Variants in CTDSPL observed in about 807,000 individuals in gnomAD.
The protein encoded by CTDSPL is CTD small phosphatase-like protein.
Under a neutral mutation model 30.5 loss-of-function variants are expected in CTDSPL, and 8 were observed. The ratio of observed to expected loss-of-function variants is 0.26; its 90% confidence interval spans 0.15 to 0.47. CTDSPL has a LOEUF of 0.47. Ranked by LOEUF, CTDSPL falls within the 20% of genes least tolerant of loss-of-function variation. The pLI is 0.99. For missense variants in CTDSPL, 248 were observed against 366.1 expected (o/e 0.68, Z 2.63); for synonymous variants, 110 against 137.9 (o/e 0.80, Z 1.42).
intron 1 of CTDSPL, among the ~76,000 whole-genome samples, chr3:37,872,814 C>G (rs1485877336): frequency 1.3e-5 from 2 of 152,064 alleles, no homozygotes; most frequent in Non-Finnish European, 2.9e-5. Flanking sequence ...ACCTCCTGAT[C>G]TGCCCGCCCT....
At chr3:37,867,276 T>G (rs1461682749) in intron 1 of CTDSPL, among the ~76,000 whole-genome samples, 1 of 152,254 alleles carries the variant, frequency 6.6e-6, no homozygotes, top group East Asian at 1.9e-4. Flanking sequence ...ATCCAGGTTG[T>G]TCCTTGTATT....
At chr3:37,918,476 T>C (rs1698674922) in intron 1 of CTDSPL, among the ~76,000 whole-genome samples, 1 of 152,180 alleles carries the variant, frequency 6.6e-6, no homozygotes, top group Non-Finnish European at 1.5e-5. Flanking sequence ...TGGAGCTCTC[T>C]AGCCTATAAA....
At chr3:37,963,476 A>G (rs948169404) in intron 3 of CTDSPL, among the ~76,000 whole-genome samples, 1 of 152,208 alleles carries the variant, frequency 6.6e-6, no homozygotes, top group African/African-American at 2.4e-5. Context: ...TATTTGATGA[A>G]CTAAATTGTC....
intron 3 of CTDSPL, among the ~76,000 whole-genome samples, chr3:37,963,847 A>G (rs1437597149): frequency 6.6e-6 from 1 of 152,110 alleles, no homozygotes; most frequent in Non-Finnish European, 1.5e-5. Context: ...TAACTTTCAG[A>G]GGCAGAGAAT....
chr3:37,928,124 T>G (rs1433222712), intron 1 of CTDSPL, among the ~76,000 whole-genome samples: 1 of 152,250 alleles, frequency 6.6e-6, no homozygotes, highest in Non-Finnish European at 1.5e-5. Flanking sequence ...GGACCACTTT[T>G]TCTTTATCCA....
chr3:37,894,770 T>G (rs941341051), intron 1 of CTDSPL, among the ~76,000 whole-genome samples: 6 of 152,188 alleles, frequency 3.9e-5, no homozygotes, highest in African/African-American at 1.4e-4. Flanking sequence ...CTTTCTGTTC[T>G]TCAGATTGGA....
intron 1 of CTDSPL, among the ~76,000 whole-genome samples, chr3:37,870,531 T>C (rs964775720): frequency 1.3e-5 from 2 of 152,260 alleles, no homozygotes; most frequent in Middle Eastern, 3.4e-3. Context: ...TGCATTGATT[T>C]TTAAAATTGC....
chr3:37,927,394 C>T (rs1313725870), intron 1 of CTDSPL, among the ~76,000 whole-genome samples: 1 of 151,984 alleles, frequency 6.6e-6, no homozygotes. Context: ...TGGGTCCTAT[C>T]CCCCAGATAA....
At chr3:37,925,968 G>A (rs1368974632) in intron 1 of CTDSPL, among the ~76,000 whole-genome samples, 1 of 152,046 alleles carries the variant, frequency 6.6e-6, no homozygotes, top group Admixed American at 6.6e-5. Context: ...TCTTCCCGCT[G>A]GAATCTAAGC....
At chr3:37,916,305 T>C in intron 1 of CTDSPL, among the ~76,000 whole-genome samples, 1 of 152,224 alleles carries the variant, frequency 6.6e-6, no homozygotes, top group Non-Finnish European at 1.5e-5. Flanking sequence ...GAGCTAACAT[T>C]ATTTCAGGTG....
intron 1 of CTDSPL, among the ~76,000 whole-genome samples, chr3:37,927,705 TA>T (rs1553684237): frequency 1.8e-4 from 26 of 146,896 alleles, no homozygotes; most frequent in African/African-American, 6.2e-4. Context: ...TATATATATA[TA>T]AAAAATGAAA....
chr3:37,909,842 C>T (rs779872549), intron 1 of CTDSPL, among the ~76,000 whole-genome samples: 1 of 152,216 alleles, frequency 6.6e-6, no homozygotes, highest in Non-Finnish European at 1.5e-5. Flanking sequence ...TTGTGGTGCC[C>T]ATGAACTAAT....
chr3:37,920,113 A>G (rs529049119), intron 1 of CTDSPL, among the ~76,000 whole-genome samples: 111 of 152,276 alleles, frequency 7.3e-4, no homozygotes, highest in South Asian at 2.1e-3. Flanking sequence ...GGTTAAAGTC[A>G]AGATATTGTC....
At chr3:37,945,405 T>C (rs1326293810) in intron 1 of CTDSPL, among the ~76,000 whole-genome samples, 4 of 152,164 alleles carry the variant, frequency 2.6e-5, no homozygotes, top group African/African-American at 9.6e-5. Context: ...TCCTGCTGTA[T>C]TTTCTCAATA....
intron 3 of CTDSPL, among the ~76,000 whole-genome samples, chr3:37,962,852 A>T (rs915096786): frequency 3.3e-5 from 5 of 152,240 alleles, no homozygotes; most frequent in African/African-American, 1.2e-4. Context: ...TAGTTGTGTA[A>T]TAAAAATTCA....
chr3:37,900,943 A>G (rs1380046347), intron 1 of CTDSPL, among the ~76,000 whole-genome samples: 1 of 152,094 alleles, frequency 6.6e-6, no homozygotes, highest in Non-Finnish European at 1.5e-5. Context: ...GATTACAGGC[A>G]CATATCACCA....
At chr3:37,891,145 G>T (rs186804775) in intron 1 of CTDSPL, among the ~76,000 whole-genome samples, 1 of 152,294 alleles carries the variant, frequency 6.6e-6, no homozygotes, top group Non-Finnish European at 1.5e-5. Context: ...CCAGTAATCA[G>T]TCTAGAGAAC....
At chr3:37,945,787 C>T (rs1381265209) in intron 1 of CTDSPL, among the ~76,000 whole-genome samples, 1 of 152,170 alleles carries the variant, frequency 6.6e-6, no homozygotes, top group East Asian at 1.9e-4. Context: ...AGGGTAGAAA[C>T]CATTCATATC....
chr3:37,974,015 C>A (rs1054804315), intron 6 of CTDSPL, among the ~76,000 whole-genome samples: 4 of 152,250 alleles, frequency 2.6e-5, no homozygotes, highest in South Asian at 2.1e-4. Flanking sequence ...TGGCCCAACA[C>A]AAATTCGTAA....
Sources: gnomAD v4.1 joint callset for allele counts (sites outside exome capture counted in the v4.1 genomes callset) on GRCh38, gnomAD v4.1.1 for gene constraint, MANE v1.5 for transcripts, NCBI Gene and HGNC (gene_info 2026-07-23, HGNC 2026-07-21) for gene names.